Variants in CEP78 observed in about 807,000 individuals in gnomAD.
CEP78 encodes the protein centrosomal protein of 78 kDa.
CEP78 carries 76 observed loss-of-function variants against 81.2 expected under a neutral mutation model. That is an observed-to-expected ratio of 0.94 (90% confidence interval 0.78 to 1.13). The LOEUF (loss-of-function observed/expected upper bound fraction) is 1.13, where lower values mean the gene tolerates loss of function less well. CEP78 is among the 50% of genes most tolerant of loss of function. The pLI is 0.00. For missense variants in CEP78, 918 were observed against 846.8 expected, an observed-to-expected ratio of 1.08 and a Z score of -1.04; for synonymous variants, 293 against 301.4, an observed-to-expected ratio of 0.97 and a Z score of 0.29.
At chr9:78,265,206 G>T (rs990751375) in intron 13 of CEP78, among the ~76,000 whole-genome samples, 166 bp from the exon 14 acceptor site, 1 of 152,276 alleles carries the variant, frequency 6.6e-6, no homozygotes, top group Admixed American at 6.5e-5. Flanking sequence ...GAGAATAAAT[G>T]TGGGAAGGTC....
At chr9:78,260,708 A>C (rs1413368005) in intron 11 of CEP78, among the ~76,000 whole-genome samples, 1 of 145,542 alleles carries the variant, frequency 6.9e-6, no homozygotes, top group Admixed American at 6.9e-5. Flanking sequence ...CTCCATCTCA[A>C]AAAAAAAAAA....
rs534732604 is a variant in CEP78 at position 78,236,566 on chromosome 9, C to T, written c.216C>T (p.Ser72=). The part of the protein sequence containing the change: ...LKINKDLPLV[S]IKSFFQPWLG... Reference sequence around the variant, plus strand: ...TCAATAAAGACCTGCCCTTGGTCTCCATCAAGAGCTTCTTCCAGCCCTGGC... The same window carrying T: ...TCAATAAAGACCTGCCCTTGGTCTCTATCAAGAGCTTCTTCCAGCCCTGGC... The change falls in exon 1 of 17, where the codon TCC becomes TCT. Residue 72 remains serine (S), a synonymous_variant. Transcript: ENST00000643273. 1 of 1,570,102 alleles carries T rather than the reference C, an allele frequency of 6.4e-7. No individual in the cohort carries two copies. Among genetic ancestry groups the T allele is most frequent in the Admixed American group, 1.9e-5 (1 of 53,226 alleles).
At position 78,277,379 on chromosome 9, in the gene CEP78, C is replaced by T. The variant is rs1156333252; in HGVS notation, c.*6528C>T. Reference sequence around the variant, plus strand: ...TCATAAATAAAGGAGTGGGAAAATACATGTAATAGAACAGAAGATTTAAGA... The same window carrying T: ...TCATAAATAAAGGAGTGGGAAAATATATGTAATAGAACAGAAGATTTAAGA... On this transcript the variant is annotated 3_prime_UTR_variant, in exon 17 of 17. Coordinates refer to ENST00000643273, the MANE Select transcript of CEP78 (RefSeq NM_001330691.3). 6.6e-6 allele frequency: 1 copy of T among 151,874 alleles called. No homozygotes were observed. Among genetic ancestry groups the T allele is most frequent in the Non-Finnish European group, 1.5e-5 (1 of 67,956 alleles). 9.4% of individuals were successfully genotyped at this position (151,874 alleles called of 1,614,324 possible). A position where few individuals can be genotyped will look rare whatever the true frequency, so the allele number is the denominator to read the frequency against.
At position 78,236,140 on chromosome 9, in the gene CEP78, A is replaced by G; in HGVS notation, c.-211A>G. 1 of 551,832 alleles carries G rather than the reference A, an allele frequency of 1.8e-6. No individual in the cohort carries two copies. The highest frequency in any genetic ancestry group is 2.2e-5 in the South Asian group (1 of 45,584). 34.2% of individuals were successfully genotyped at this position (551,832 alleles called of 1,614,324 possible). ...CCAACTGCTTGGGCCGCAGGGCGGG[A>G]GGCAGCGCGGGAGTGGGGCGTTGAG... On this transcript the variant is annotated 5_prime_UTR_variant, in exon 1 of 17. Transcript: ENST00000643273.
At chr9:78,262,777 G>T (rs148042247) in intron 11 of CEP78, 130 bp from the exon 12 acceptor site, 120 of 500,120 alleles carry the variant, frequency 2.4e-4, no homozygotes, top group African/African-American at 2.0e-3. Context: ...ACAAGCAGTA[G>T]GCTATAATCC....
chr9:78,264,364 GT>G, intron 13 of CEP78, 48 bp downstream of exon 13: 1 of 1,549,752 alleles, frequency 6.5e-7, no homozygotes, highest in Admixed American at 1.8e-5. Flanking sequence ...GACTTTAATG[GT>G]GTTTTGCTGA....
At chr9:78,239,546 A>G (rs1006007754) in intron 1 of CEP78, among the ~76,000 whole-genome samples, 2 of 152,132 alleles carry the variant, frequency 1.3e-5, no homozygotes, top group African/African-American at 4.8e-5. Context: ...GGGTATCCTT[A>G]ATGTGTCAGT....
At chr9:78,266,732 G>T in intron 16 of CEP78, 29 bp downstream of exon 16, 2 of 1,610,314 alleles carry the variant, frequency 1.2e-6, no homozygotes, top group Non-Finnish European at 1.7e-6. Context: ...ACTCTGATAA[G>T]CAACACCCTG....
chr9:78,260,896 G>T (rs984900526), intron 11 of CEP78, among the ~76,000 whole-genome samples: 1 of 151,872 alleles, frequency 6.6e-6, no homozygotes, highest in African/African-American at 2.4e-5. Context: ...GTGGAACCAG[G>T]GTATATAAAA....
At chr9:78,264,449 T>C (rs1177716913) in intron 13 of CEP78, 133 bp downstream of exon 13, 1 of 620,104 alleles carries the variant, frequency 1.6e-6, no homozygotes, top group Non-Finnish European at 2.6e-6. Flanking sequence ...CTTGATTTTT[T>C]AAATGTGGAA....
chr9:78,270,187 T>C (rs182446243), intron 16 of CEP78, among the ~76,000 whole-genome samples: 18 of 152,290 alleles, frequency 1.2e-4, no homozygotes, highest in Admixed American at 1.2e-3. Context: ...AATGAGTTTA[T>C]ACCTGATAAC....
rs915283847 is a variant in CEP78 at position 78,272,643 on chromosome 9, A to T, written c.*1792A>T. On this transcript the variant is annotated 3_prime_UTR_variant, in exon 17 of 17. Transcript: ENST00000643273. ...AATATATTAAAATATATATAAAGTT[A>T]AGGGTATGTTAGTAAGGATAGGTTA... is the stretch of plus-strand genomic sequence containing the variant. 1 of 152,146 alleles carries T rather than the reference A, an allele frequency of 6.6e-6. No individual in the cohort carries two copies. Among genetic ancestry groups the T allele is most frequent in the African/African-American group, 2.4e-5 (1 of 41,430 alleles). The allele number at this position is 152,146 out of a possible 1,614,324, so 9.4% of individuals were successfully genotyped here.
At chr9:78,248,392 T>C in intron 7 of CEP78, 37 bp downstream of exon 7, 4 of 1,309,864 alleles carry the variant, frequency 3.1e-6, no homozygotes, top group Non-Finnish European at 4.4e-6. Context: ...AGAATTCTTA[T>C]TTAATTGCTT....
intron 15 of CEP78, 77 bp downstream of exon 15, chr9:78,265,983 A>G (rs1827510615): frequency 9.5e-6 from 7 of 739,580 alleles, no homozygotes; most frequent in African/African-American, 1.7e-5. Context: ...GGCATCATCT[A>G]GTTATGGGAA....
Position 78,266,653 on chromosome 9 carries a change from A to C in CEP78, c.2057A>C (p.Glu686Ala). 3 of 1,612,454 alleles carry C rather than the reference A, an allele frequency of 1.9e-6. No individual in the cohort carries two copies. The highest frequency in any genetic ancestry group is 2.5e-6 in the Non-Finnish European group (3 of 1,179,088). Residue 686 changes from glutamate (E) to alanine (A), a missense_variant, in exon 16 of 17, where the codon GAG (glutamate) becomes GCG (alanine). Coordinates refer to ENST00000643273, the MANE Select transcript of CEP78 (RefSeq NM_001330691.3). Reference sequence around the variant, plus strand: ...GGAACTGGAAGTCAAAGAAAAGAAGAGGAGTTGTCCAGAAATAGCAGATCT... The same window carrying C: ...GGAACTGGAAGTCAAAGAAAAGAAGCGGAGTTGTCCAGAAATAGCAGATCT... ...TSGTGSQRKE[E>A]ELSRNSRSSS... is the part of the protein sequence containing the mutation.
intron 4 of CEP78, among the ~76,000 whole-genome samples, chr9:78,242,840 A>AT (rs2118159180): frequency 6.6e-6 from 1 of 152,310 alleles, no homozygotes; most frequent in African/African-American, 2.4e-5. Flanking sequence ...TTCCGAAGGC[A>AT]TATCAACCTT....
chr9:78,253,230 A>C lies in CEP78; in HGVS notation c.1206-2A>C, dbSNP rs778035330. The C allele has an allele frequency of 4.6e-5, 59 of 1,279,108 alleles. No individual in the cohort carries two copies. Among genetic ancestry groups the C allele is most frequent in the Non-Finnish European group, 6.2e-5 (55 of 891,042 alleles). 79.2% of individuals were successfully genotyped at this position (1,279,108 alleles called of 1,614,324 possible). A position where few individuals can be genotyped will look rare whatever the true frequency, so the allele number is the denominator to read the frequency against. The stretch of plus-strand genomic sequence containing the variant: ...TAACTTAATTTATCGATATCTTTTT[A>C]GGGGTTTCCCATTAATCAAAACACG... On this transcript the variant is annotated splice_acceptor_variant, in intron 9 of 16. Coordinates refer to ENST00000643273, the MANE Select transcript of CEP78 (RefSeq NM_001330691.3). LOFTEE classifies it high-confidence loss of function.
At chr9:78,258,642 C>T (rs532967466) in intron 11 of CEP78, among the ~76,000 whole-genome samples, 5 of 152,090 alleles carry the variant, frequency 3.3e-5, no homozygotes, top group Non-Finnish European at 7.4e-5. Flanking sequence ...TGTCTAAAAT[C>T]CGGTCATGTA....
intron 16 of CEP78, chr9:78,266,981 C>G: frequency 7.2e-7 from 1 of 1,392,100 alleles, no homozygotes; most frequent in Non-Finnish European, 9.3e-7. Flanking sequence ...AAGAAAGCAT[C>G]CATTCTCTAT....
Sources: allele counts gnomAD v4.1 joint callset (sites outside exome capture counted in the v4.1 genomes callset), GRCh38; gene constraint gnomAD v4.1.1; transcripts MANE v1.5; gene names NCBI Gene and HGNC (gene_info 2026-07-23, HGNC 2026-07-21).